Variants in CSMD1 observed in about 807,000 individuals in gnomAD.
CSMD1 encodes CUB and Sushi multiple domains 1.
In CSMD1, 213 loss-of-function variants were observed where a neutral mutation model predicts 417.5. The observed-to-expected ratio is 0.51, with a 90% CI of 0.46 to 0.57. The LOEUF (loss-of-function observed/expected upper bound fraction) is 0.57, where lower values mean the gene tolerates loss of function less well. Among genes scored for constraint, CSMD1 ranks in the 20% least tolerant of loss-of-function variants. CSMD1 has a pLI of 0.00. For synonymous variants in CSMD1, 2,862 were observed against 1,736.8 expected (o/e 1.65, Z -16.11); for missense variants, 6,923 against 4,529.7 (o/e 1.53, Z -15.17).
chr8:3,855,140 T>A (rs527701157), intron 5 of CSMD1, among the ~76,000 whole-genome samples: 2 of 152,332 alleles, frequency 1.3e-5, no homozygotes, highest in South Asian at 2.1e-4. Context: ...TACTCTCTAT[T>A]TTCATAATGT....
At chr8:4,047,000 C>T (rs181598219) in intron 3 of CSMD1, among the ~76,000 whole-genome samples, 3 of 152,186 alleles carry the variant, frequency 2.0e-5, no homozygotes, top group Admixed American at 6.5e-5. Context: ...CTCCCTGATG[C>T]ATGACTTAGC....
chr8:4,378,517 C>A (rs1802898050), intron 3 of CSMD1, among the ~76,000 whole-genome samples: 1 of 152,178 alleles, frequency 6.6e-6, no homozygotes, highest in South Asian at 2.1e-4. Context: ...TCTCTCTGTT[C>A]ATATTCGCTG....
intron 51 of CSMD1, among the ~76,000 whole-genome samples, chr8:3,026,036 CCT>C (rs1169826383): frequency 6.6e-6 from 1 of 152,074 alleles, no homozygotes; most frequent in Non-Finnish European, 1.5e-5. Flanking sequence ...ATCCTCTCCC[CCT>C]GAGTGAGGGC....
At chr8:4,704,762 G>C (rs1001040488) in intron 1 of CSMD1, among the ~76,000 whole-genome samples, 6 of 152,234 alleles carry the variant, frequency 3.9e-5, no homozygotes, top group East Asian at 1.9e-4. Flanking sequence ...GTGAGTTGTC[G>C]AGGCAGGAGA....
intron 5 of CSMD1, among the ~76,000 whole-genome samples, chr8:3,991,516 C>A (rs901977225): frequency 2.0e-5 from 3 of 152,112 alleles, no homozygotes; most frequent in African/African-American, 7.2e-5. Context: ...GCTCAACAAG[C>A]AAGTATGCTA....
intron 5 of CSMD1, among the ~76,000 whole-genome samples, chr8:3,812,388 G>C (rs970833664): frequency 6.6e-6 from 1 of 152,128 alleles, no homozygotes; most frequent in African/African-American, 2.4e-5. Context: ...ATACTTAAAT[G>C]CAGGGAAATT....
intron 7 of CSMD1, chr8:3,700,437 A>C (rs2129036682): frequency 6.6e-6 from 1 of 152,320 alleles, no homozygotes; most frequent in African/African-American, 2.4e-5. Context: ...TAATAACTTA[A>C]AAAACACAAA....
chr8:3,691,718 A>G (rs1336954904), intron 7 of CSMD1, among the ~76,000 whole-genome samples: 1 of 152,192 alleles, frequency 6.6e-6, no homozygotes, highest in Non-Finnish European at 1.5e-5. Flanking sequence ...CTATAAGGTA[A>G]ATATTATCGC....
rs139435905 is a variant in CSMD1 at position 3,979,191 on chromosome 8, C to G, written c.818+18712G>C. Among the ~76,000 whole-genome samples, 478 of 152,320 alleles carry G rather than the reference C, an allele frequency of 3.1e-3. 2 individuals are homozygous for G. Among genetic ancestry groups the G allele is most frequent in the African/African-American group, 0.01 (433 of 41,576 alleles). ...TGTGAGATCTTAGCACACTAACAGA[C>G]AGGGACAGCCAAATCTCAATAATGT... is the stretch of plus-strand genomic sequence containing the variant. On this transcript the variant is annotated intron_variant, in intron 5 of 69. Transcript: ENST00000635120.
rs56721822 is a variant in CSMD1 at position 3,926,714 on chromosome 8, CTTT to C, written c.818+71186_818+71188del. On this transcript the variant is annotated intron_variant, in intron 5 of 69. Transcript: ENST00000635120. Reference sequence around the variant, plus strand: ...AATTAAATTCAAGTTAAATTGACACCTTTTTTTTTTTTTTTTTTTTTTTATGGA... The same window carrying C: ...AATTAAATTCAAGTTAAATTGACACCTTTTTTTTTTTTTTTTTTTTATGGA... 1.6e-3 allele frequency among the ~76,000 whole-genome samples: 168 copies of C among 103,488 alleles called. 1 individual carries two copies. Among genetic ancestry groups the C allele is most frequent in the Middle Eastern group, 7.7e-3 (1 of 130 alleles). The allele number at this position is 103,488 out of a possible 152,430, so 67.9% of individuals were successfully genotyped here.
At chr8:3,119,187 A>C (rs75314012) in intron 41 of CSMD1, among the ~76,000 whole-genome samples, 10,241 of 151,458 alleles carry the variant, frequency 0.068, 671 homozygotes, top group East Asian at 0.38. Context: ...CCCCCGCCCC[A>C]AAAAAAAGGA....
At chr8:4,667,568 T>TTTTTATATA (rs1367922201) in intron 1 of CSMD1, among the ~76,000 whole-genome samples, 1 of 152,194 alleles carries the variant, frequency 6.6e-6, no homozygotes, top group African/African-American at 2.4e-5. Context: ...AAAATTCAGA[T>TTTTTATATA]TTTTATATAT....
intron 5 of CSMD1, among the ~76,000 whole-genome samples, chr8:3,832,937 A>G (rs1208727401): frequency 6.6e-6 from 1 of 152,238 alleles, no homozygotes; most frequent in Non-Finnish European, 1.5e-5. Flanking sequence ...CAATAAAATT[A>G]TTAAATATTT....
intron 26 of CSMD1, among the ~76,000 whole-genome samples, chr8:3,281,541 G>C (rs1314689846): frequency 1.3e-5 from 2 of 152,172 alleles, no homozygotes; most frequent in Admixed American, 6.5e-5. Flanking sequence ...AAAAGACCTG[G>C]AGCTTGAAAG....
chr8:4,423,491 A>G lies in CSMD1; in HGVS notation c.303-3426T>C, dbSNP rs376991054. Among the ~76,000 whole-genome samples the G allele has an allele frequency of 3.3e-5, 5 of 152,230 alleles. No individual in the cohort carries two copies. In the East Asian group the frequency reaches 9.6e-4, roughly 29 times the overall value. On this transcript the variant is annotated intron_variant, in intron 2 of 69. Transcript: ENST00000635120. ...AGAAAAGCTTCTGTATAAATACAAT[A>G]AGATAAGCCCAACAGTGTATACAGA...
intron 1 of CSMD1, among the ~76,000 whole-genome samples, chr8:4,962,211 A>G (rs1302401309): frequency 7.3e-6 from 1 of 137,712 alleles, no homozygotes; most frequent in African/African-American, 3.1e-5. Flanking sequence ...AAAAAAAGAA[A>G]AAAACAAATA....
chr8:4,466,988 G>C (rs1800212234), intron 2 of CSMD1, among the ~76,000 whole-genome samples: 1 of 151,810 alleles, frequency 6.6e-6, no homozygotes, highest in South Asian at 2.1e-4. Flanking sequence ...GCTCAGCTGT[G>C]GGAGCTTTCT....
chr8:3,965,473 A>G (rs544707809), intron 5 of CSMD1, among the ~76,000 whole-genome samples: 6 of 152,280 alleles, frequency 3.9e-5, no homozygotes, highest in Non-Finnish European at 5.9e-5. Flanking sequence ...GTTTGAGTAG[A>G]CGATATCACA....
rs144814071 is a variant in CSMD1, at chr8:3,344,882, C to G, written c.3475-1432G>C. The stretch of plus-strand genomic sequence containing the variant: ...CATGCTAGTGGGGTAGAATCAGATA[C>G]TCTCTAATCTCCTTACTAAAAGACT... On this transcript the variant is annotated intron_variant, in intron 22 of 69. Coordinates refer to ENST00000635120, the MANE Select transcript of CSMD1 (RefSeq NM_033225.6). Among the ~76,000 whole-genome samples the G allele has an allele frequency of 1.8e-3, 279 of 152,318 alleles. 2 individuals are homozygous for G. The highest frequency in any genetic ancestry group is 0.011 in the East Asian group (59 of 5,178).
Sources: gnomAD v4.1 joint callset for allele counts (sites outside exome capture counted in the v4.1 genomes callset) on GRCh38, gnomAD v4.1.1 for gene constraint, MANE v1.5 for transcripts, NCBI Gene and HGNC (gene_info 2026-07-23, HGNC 2026-07-21) for gene names.